The following CHD6 variants were observed in gnomAD, a reference collection of about 807,000 sequenced individuals.
CHD6 encodes chromodomain helicase DNA binding protein 6, also known as ATP-dependent chromatin remodeler CHD6.
Under a neutral mutation model 276.9 loss-of-function variants are expected in CHD6, and 50 were observed. The ratio of observed to expected loss-of-function variants is 0.18; its 90% CI spans 0.14 to 0.23. CHD6 has a LOEUF of 0.23. Among genes scored for constraint, CHD6 ranks in the 10% least tolerant of loss-of-function variants. CHD6 has a pLI of 1.00. For synonymous variants in CHD6, 1,173 were observed against 1,229.3 expected, an observed-to-expected ratio of 0.95 and a Z score of 0.96; for missense variants, 2,564 against 3,365.8, an observed-to-expected ratio of 0.76 and a Z score of 5.89.
intron 29 of CHD6, among the ~76,000 whole-genome samples, chr20:41,423,982 T>A (rs1427947255): frequency 6.6e-6 from 1 of 152,262 alleles, no homozygotes; most frequent in Non-Finnish European, 1.5e-5. Context: ...TTGCTATCTC[T>A]TGATTCATCA....
At chr20:41,504,220 T>A (rs907543674) in intron 5 of CHD6, among the ~76,000 whole-genome samples, 1 of 151,760 alleles carries the variant, frequency 6.6e-6, no homozygotes, top group East Asian at 1.9e-4. Context: ...TTTCCATTGA[T>A]CTGTCTTCAT....
intron 27 of CHD6, among the ~76,000 whole-genome samples, chr20:41,431,051 T>G (rs921978730): frequency 2.0e-5 from 3 of 152,006 alleles, no homozygotes; most frequent in Non-Finnish European, 4.4e-5. Flanking sequence ...ACCAGGCTGG[T>G]CTCGAACTTC....
At chr20:41,546,633 G>T (rs867203283) in intron 2 of CHD6, among the ~76,000 whole-genome samples, 14 of 152,138 alleles carry the variant, frequency 9.2e-5, no homozygotes, top group African/African-American at 3.4e-4. Flanking sequence ...CTCTTGCAAA[G>T]AACTATTTAC....
intron 2 of CHD6, among the ~76,000 whole-genome samples, chr20:41,534,304 A>G (rs2044770159): frequency 6.6e-6 from 1 of 152,196 alleles, no homozygotes; most frequent in South Asian, 2.1e-4. Context: ...TGGCTTAGAA[A>G]CAGCACCATT....
intron 2 of CHD6, among the ~76,000 whole-genome samples, chr20:41,535,516 C>T (rs994327020): frequency 6.6e-6 from 1 of 152,130 alleles, no homozygotes; most frequent in African/African-American, 2.4e-5. Flanking sequence ...TCCTGGGGAA[C>T]TACAATGATT....
chr20:41,614,463 G>A (rs891843423), intron 1 of CHD6, among the ~76,000 whole-genome samples: 1 of 152,124 alleles, frequency 6.6e-6, no homozygotes, highest in East Asian at 1.9e-4. Flanking sequence ...CAAAATAGGA[G>A]CTATTTAAGT....
At chr20:41,433,084 A>G (rs2047595906) in intron 27 of CHD6, among the ~76,000 whole-genome samples, 1 of 152,094 alleles carries the variant, frequency 6.6e-6, no homozygotes, top group South Asian at 2.1e-4. Context: ...ATAACAGAAA[A>G]AAAAAAAAAA....
Position 41,405,165 on chromosome 20 carries a change from C to T in CHD6, c.7576G>A (p.Ala2526Thr). ...ACACCAAACATCTGGGGCACAGCAG[C>T]CATGCCTGGCAGCATCATGGGCAGC... ...SMLPMMLPGM[A>T]AVPQMFGVGG... is the part of the protein sequence containing the mutation. The change falls in exon 37 of 37, where the codon GCT (alanine) becomes ACT (threonine). Residue 2526 changes from alanine to threonine, a missense_variant. Coordinates refer to ENST00000373233, the MANE Select transcript of CHD6 (RefSeq NM_032221.5). 1 of 1,614,214 alleles carries T rather than the reference C, an allele frequency of 6.2e-7. No individual in the cohort carries two copies. The highest frequency in any genetic ancestry group is 1.1e-5 in the South Asian group (1 of 91,088).
At position 41,592,927 on chromosome 20, in the gene CHD6, T is replaced by TA. The variant is rs545980195; in HGVS notation, c.-24+25412dup. Among the ~76,000 whole-genome samples, 39 of 152,264 alleles carry TA rather than the reference T, an allele frequency of 2.6e-4. 1 individual carries two copies. The South Asian group carries it at 7.7e-3, about 30-fold the overall frequency. On this transcript the variant is annotated intron_variant, in intron 1 of 36. Transcript: ENST00000373233. ...CAAAGATTTCCAGTTCTCAGGTATC[T>TA]AAAACGTGCCCCTCCAAAACTCAAT... is the stretch of plus-strand genomic sequence containing the variant.
At chr20:41,438,630 T>G (rs1379701818) in intron 26 of CHD6, among the ~76,000 whole-genome samples, 2 of 152,090 alleles carry the variant, frequency 1.3e-5, no homozygotes, top group African/African-American at 2.4e-5. Context: ...TTTGAAATAT[T>G]TGCGTCCCAA....
chr20:41,600,223 G>A (rs2045759880), intron 1 of CHD6, among the ~76,000 whole-genome samples: 1 of 152,154 alleles, frequency 6.6e-6, no homozygotes, highest in Non-Finnish European at 1.5e-5. Context: ...ATAAATGAAT[G>A]CCACCAACAA....
intron 1 of CHD6, among the ~76,000 whole-genome samples, chr20:41,583,313 A>C (rs984249187): frequency 1.3e-5 from 2 of 152,186 alleles, no homozygotes; most frequent in Non-Finnish European, 2.9e-5. Context: ...TGGAAGAAGA[A>C]AATTAAAATA....
intron 16 of CHD6, chr20:41,482,416 AT>A: frequency 2.9e-6 from 1 of 348,670 alleles, no homozygotes; most frequent in South Asian, 2.3e-5. Flanking sequence ...CAGCATACCC[AT>A]AGTTTAATTT....
chr20:41,555,166 T>C (rs867146661), intron 1 of CHD6, among the ~76,000 whole-genome samples: 3,308 of 107,636 alleles, frequency 0.031, 39 homozygotes, highest in East Asian at 0.14. Flanking sequence ...GGCTCCTCAC[T>C]TCCCAGTAGG....
At chr20:41,616,132 G>A (rs1056211128) in intron 1 of CHD6, among the ~76,000 whole-genome samples, 2 of 152,280 alleles carry the variant, frequency 1.3e-5, no homozygotes, top group Middle Eastern at 6.8e-3. Flanking sequence ...GCAGTTAGTC[G>A]TATTTCTCCC....
rs374448196 is a variant in CHD6 at position 41,402,392 on chromosome 20, C to G, written c.*2201G>C. ...ACCCAGAGAGTTAACATACAGATTC[C>G]ATAAGGATAACAAGGGATTGAGCAT... On this transcript the variant is annotated 3_prime_UTR_variant, in exon 37 of 37. Coordinates refer to ENST00000373233, the MANE Select transcript of CHD6 (RefSeq NM_032221.5). The G allele has an allele frequency of 4.8e-4, 110 of 229,578 alleles. 1 individual carries two copies. Among genetic ancestry groups the G allele is most frequent in the African/African-American group, 2.3e-3 (104 of 45,262 alleles). The allele number at this position is 229,578 out of a possible 1,614,324, so 14.2% of individuals were successfully genotyped here.
intron 1 of CHD6, among the ~76,000 whole-genome samples, chr20:41,589,918 G>A (rs185137940): frequency 1.3e-5 from 2 of 152,260 alleles, no homozygotes; most frequent in Non-Finnish European, 2.9e-5. Flanking sequence ...TCAATCCTAA[G>A]CCAAAAGAAC....
chr20:41,614,126 C>T (rs556999933), intron 1 of CHD6, among the ~76,000 whole-genome samples: 62 of 152,094 alleles, frequency 4.1e-4, no homozygotes, highest in Non-Finnish European at 8.1e-4. Flanking sequence ...CCATAAAATG[C>T]GATCAGCGAC....
At position 41,404,096 on chromosome 20, in the gene CHD6, A is replaced by G; in HGVS notation, c.*497T>C. The G allele has an allele frequency of 9.5e-7, 1 of 1,051,564 alleles. No individual in the cohort carries two copies. The highest frequency in any genetic ancestry group is 1.1e-6 in the Non-Finnish European group (1 of 870,732). 65.1% of individuals were successfully genotyped at this position (1,051,564 alleles called of 1,614,324 possible). A position where few individuals can be genotyped will look rare whatever the true frequency, so the allele number is the denominator to read the frequency against. ...ACTACTCACTTAGTAATCATGATAA[A>G]ATAGGGAAATATTTTAACTCAAAAA... On this transcript the variant is annotated 3_prime_UTR_variant, in exon 37 of 37. Transcript: ENST00000373233.
Sources: allele counts gnomAD v4.1 joint callset (sites outside exome capture counted in the v4.1 genomes callset), GRCh38; gene constraint gnomAD v4.1.1; transcripts MANE v1.5; gene names NCBI Gene and HGNC (gene_info 2026-07-23, HGNC 2026-07-21).